Variants in SLC23A2 observed in about 807,000 individuals in gnomAD.
SLC23A2 encodes Na(+)/L-ascorbic acid transporter 2.
In SLC23A2, 36 loss-of-function variants were observed where a neutral mutation model predicts 73.3. The ratio of observed to expected loss-of-function variants is 0.49; its 90% CI spans 0.38 to 0.65. The LOEUF is 0.65. Among genes scored for constraint, SLC23A2 ranks in the 30% least tolerant of loss-of-function variants. The pLI is 0.00. For synonymous variants in SLC23A2, 343 were observed against 327.3 expected, an observed-to-expected ratio of 1.05 and a Z score of -0.52; for missense variants, 507 against 841.6, an observed-to-expected ratio of 0.60 and a Z score of 4.92.
intron 13 of SLC23A2, 67 bp downstream of exon 13, chr20:4,867,692 ACTTGCAGTGGC>A: frequency 1.5e-6 from 1 of 676,274 alleles, no homozygotes; most frequent in Non-Finnish European, 2.4e-6. Flanking sequence ...CCCATTTGGA[ACTTGCAGTGGC>A]CAGATCGATC....
Position 4,863,300 on chromosome 20 carries a change from C to G in SLC23A2, c.1357-393G>C, listed in dbSNP as rs1169783318. On this transcript the variant is annotated intron_variant, in intron 13 of 16. Transcript: ENST00000338244. The surrounding 1 kb of genome is among the most constrained non-coding windows in gnomAD (Gnocchi z 4.8). ...CCACACCGGAAATCAGACCAAACCCCCAGACATGTCTGGAACCTCCTCTCC... is the reference window on the plus strand; with the variant it reads ...CCACACCGGAAATCAGACCAAACCCGCAGACATGTCTGGAACCTCCTCTCC... 6.6e-6 allele frequency among the ~76,000 whole-genome samples: 1 copy of G among 152,202 alleles called. No individual in the cohort carries two copies. Among genetic ancestry groups the G allele is most frequent in the African/African-American group, 2.4e-5 (1 of 41,454 alleles).
chr20:4,948,094 G>A (rs957080557), intron 2 of SLC23A2, among the ~76,000 whole-genome samples: 2 of 152,198 alleles, frequency 1.3e-5, no homozygotes, highest in East Asian at 1.9e-4. Flanking sequence ...TCCAGCTACT[G>A]TTGCCAGAGC....
intron 6 of SLC23A2, among the ~76,000 whole-genome samples, chr20:4,888,706 A>AT (rs776406718): frequency 6.6e-6 from 1 of 152,152 alleles, no homozygotes; most frequent in Non-Finnish European, 1.5e-5. Context: ...TTCATTTGTC[A>AT]TTTAAGGCAC....
At chr20:4,934,540 G>A (rs561617231) in intron 2 of SLC23A2, among the ~76,000 whole-genome samples, 2 of 152,194 alleles carry the variant, frequency 1.3e-5, no homozygotes, top group South Asian at 4.1e-4. Flanking sequence ...GCACGTCTAT[G>A]GGACTTACTC....
Position 4,862,994 on chromosome 20 carries a change from C to T in SLC23A2, c.1357-87G>A, listed in dbSNP as rs79206954. On this transcript the variant is annotated intron_variant, in intron 13 of 16. Coordinates refer to ENST00000338244, the MANE Select transcript of SLC23A2 (RefSeq NM_005116.6). This position sits in a 1 kb window ranked among gnomAD's most constrained non-coding sequence, Gnocchi z 5.1. ...TACTAAAGAACACACAGCAGAGATA[C>T]CCATGGCCTGGCTCGCTACCTTCAC... is the stretch of plus-strand genomic sequence containing the variant. The T allele has an allele frequency of 3.7e-3, 5,119 of 1,393,142 alleles. 158 individuals are homozygous for T. The African/African-American group carries it at 0.062, about 17-fold the overall frequency. 86.3% of individuals were successfully genotyped at this position (1,393,142 alleles called of 1,614,324 possible).
At chr20:4,873,913 C>A (rs1182775919) in intron 11 of SLC23A2, 23 bp downstream of exon 11, 1 of 1,605,120 alleles carries the variant, frequency 6.2e-7, no homozygotes. Context: ...GCTCTTGACC[C>A]CTCTAGCCAT....
In SLC23A2 at chr20:4,899,797, G is replaced by T; in HGVS notation, c.325-85C>A. ...TTCATCCTAATTCTTCTCTCTTATT[G>T]TCGTTAAAAAATAGCCCACATAAAG... On this transcript the variant is annotated intron_variant, in intron 5 of 16. Transcript: ENST00000338244. This position sits in a 1 kb window ranked among gnomAD's most constrained non-coding sequence, Gnocchi z 4.9. 7.1e-7 allele frequency: 1 copy of T among 1,399,802 alleles called. No homozygotes were observed. The highest frequency in any genetic ancestry group is 9.9e-7 in the Non-Finnish European group (1 of 1,014,846). 86.7% of individuals were successfully genotyped at this position (1,399,802 alleles called of 1,614,324 possible).
rs1360659631 is a variant in SLC23A2, at chr20:4,862,816, G to A, written c.1448C>T (p.Pro483Leu). Residue 483 changes from proline to leucine, a missense_variant, in exon 14 of 17, where the codon CCG becomes CTG. Around this residue, in one of 5 missense-constraint regions of SLC23A2, gnomAD observed 168 missense variants for 302.3 expected, o/e 0.56. Transcript: ENST00000338244. The surrounding 1 kb of genome is among the most constrained non-coding windows in gnomAD (Gnocchi z 5.1). Reference protein sequence around the residue: ...GKFSALFASLPDPVLGALFCT... With the variant: ...GKFSALFASLLDPVLGALFCT... ...GAACAGGGCTCCCAGCACAGGATCC[G>A]GAAGGGACGCAAAGAGGGCGCTGAA... is the stretch of plus-strand genomic sequence containing the variant. 6.2e-7 allele frequency: 1 copy of A among 1,613,996 alleles called. No individual in the cohort carries two copies. Among genetic ancestry groups the A allele is most frequent in the Admixed American group, 1.7e-5 (1 of 60,028 alleles).
At chr20:4,991,833 C>T (rs915799342) in intron 1 of SLC23A2, among the ~76,000 whole-genome samples, 1 of 151,594 alleles carries the variant, frequency 6.6e-6, no homozygotes, top group Non-Finnish European at 1.5e-5. Flanking sequence ...ATACACAGAA[C>T]AAGTCAATAT....
intron 1 of SLC23A2, among the ~76,000 whole-genome samples, chr20:4,994,182 CAG>C (rs974849563): frequency 5.9e-5 from 9 of 152,162 alleles, no homozygotes; most frequent in African/African-American, 1.9e-4. Flanking sequence ...TGTAAAGGGC[CAG>C]AGTTACATGG....
intron 6 of SLC23A2, among the ~76,000 whole-genome samples, chr20:4,890,454 AC>A (rs1931289522): frequency 6.6e-6 from 1 of 152,110 alleles, no homozygotes. Context: ...TGAGTTCGAG[AC>A]CAGCCTGGCC....
intron 2 of SLC23A2, among the ~76,000 whole-genome samples, chr20:4,933,324 C>T (rs1218252947): frequency 4.6e-5 from 7 of 151,976 alleles, no homozygotes; most frequent in Non-Finnish European, 1.0e-4. Context: ...GAGGAGGTTG[C>T]CAGGCGCAGT....
At chr20:4,973,481 G>A (rs972828947) in intron 1 of SLC23A2, among the ~76,000 whole-genome samples, 2 of 152,192 alleles carry the variant, frequency 1.3e-5, no homozygotes. Flanking sequence ...CTACTGCACA[G>A]AACAAGTACT....
At chr20:4,977,703 AAAAAAAAAAG>A (rs1184882268) in intron 1 of SLC23A2, among the ~76,000 whole-genome samples, 1 of 151,544 alleles carries the variant, frequency 6.6e-6, no homozygotes, top group African/African-American at 2.4e-5. Flanking sequence ...GTCCCCAAAA[AAAAAAAAAAG>A]AAAAGAAAAG....
chr20:4,874,501 C>G, intron 10 of SLC23A2, 75 bp downstream of exon 10: 1 of 1,434,718 alleles, frequency 7.0e-7, no homozygotes, highest in Non-Finnish European at 9.5e-7. Flanking sequence ...CTGCTTAAAA[C>G]CCTCCCTTCA....
chr20:4,915,293 C>G (rs940730113), intron 3 of SLC23A2, among the ~76,000 whole-genome samples: 1 of 151,952 alleles, frequency 6.6e-6, no homozygotes, highest in Admixed American at 6.5e-5. Flanking sequence ...GTGTTTGGAT[C>G]TTTTATGATC....
intron 6 of SLC23A2, among the ~76,000 whole-genome samples, chr20:4,896,756 C>T (rs552511426): frequency 6.6e-6 from 1 of 152,312 alleles, no homozygotes; most frequent in African/African-American, 2.4e-5. Context: ...ACCCCCTATA[C>T]TAAGTAACCA....
At position 4,863,219 on chromosome 20, in the gene SLC23A2, C is replaced by T. The variant is rs1930051479; in HGVS notation, c.1357-312G>A. 6.6e-6 allele frequency among the ~76,000 whole-genome samples: 1 copy of T among 152,162 alleles called. No homozygotes were observed. Among genetic ancestry groups the T allele is most frequent in the South Asian group, 2.1e-4 (1 of 4,828 alleles). On this transcript the variant is annotated intron_variant, in intron 13 of 16. Coordinates refer to ENST00000338244, the MANE Select transcript of SLC23A2 (RefSeq NM_005116.6). The surrounding 1 kb of genome is among the most constrained non-coding windows in gnomAD (Gnocchi z 4.8). Reference sequence around the variant, plus strand: ...CTGCCTATCCCCTGGGTTCCCGGCACCACATGTCACCAAGGCAATTTCCCC... The same window carrying T: ...CTGCCTATCCCCTGGGTTCCCGGCATCACATGTCACCAAGGCAATTTCCCC...
At chr20:4,938,096 T>C (rs555174582) in intron 2 of SLC23A2, among the ~76,000 whole-genome samples, 1 of 150,702 alleles carries the variant, frequency 6.6e-6, no homozygotes, top group Admixed American at 6.7e-5. Context: ...AGTGGCGCGA[T>C]CACAGTTCAC....
Sources: gnomAD v4.1 joint callset for allele counts (sites outside exome capture counted in the v4.1 genomes callset) on GRCh38, gnomAD v4.1.1 for gene constraint, gnomAD v4.1.1 regional missense constraint, Gnocchi (gnomAD v3.1) non-coding constraint, MANE v1.5 for transcripts, NCBI Gene and HGNC (gene_info 2026-07-23, HGNC 2026-07-21) for gene names.